Variants in DAB1 observed in about 807,000 individuals in gnomAD.
The protein encoded by DAB1 is DAB adaptor protein 1.
A neutral mutation model predicts 64.6 loss-of-function variants in DAB1; 15 were observed. That is an observed-to-expected ratio of 0.23 (90% CI 0.16 to 0.36). The LOEUF (loss-of-function observed/expected upper bound fraction) is 0.36. Among genes scored for constraint, DAB1 ranks in the 10% least tolerant of loss-of-function variants. The pLI is 1.00. For missense variants in DAB1, 596 were observed against 706.7 expected (o/e 0.84, Z 1.78); for synonymous variants, 235 against 251.9 (o/e 0.93, Z 0.64).
intron 4 of DAB1, among the ~76,000 whole-genome samples, chr1:58,323,786 G>A (rs1437392252): frequency 6.6e-6 from 1 of 151,916 alleles, no homozygotes; most frequent in Non-Finnish European, 1.5e-5. Flanking sequence ...TTAGCCAGGC[G>A]TGGCGGTGGG....
chr1:58,049,837 C>T (rs917991049), intron 5 of DAB1, among the ~76,000 whole-genome samples: 3 of 151,920 alleles, frequency 2.0e-5, no homozygotes, highest in African/African-American at 7.3e-5. Flanking sequence ...CACACACACA[C>T]ACAGCAGTGA....
At chr1:57,469,280 A>G (rs1687060796) in intron 7 of DAB1, among the ~76,000 whole-genome samples, 1 of 152,232 alleles carries the variant, frequency 6.6e-6, no homozygotes, top group Non-Finnish European at 1.5e-5. Flanking sequence ...GCACTTAGGT[A>G]AGCGGTTCAC....
At chr1:57,365,339 A>T (rs1176609832) in intron 1 of DAB1, among the ~76,000 whole-genome samples, 1 of 143,124 alleles carries the variant, frequency 7.0e-6, no homozygotes, top group East Asian at 2.0e-4. Flanking sequence ...TAAAGAATAT[A>T]TATAAATATA....
intron 4 of DAB1, among the ~76,000 whole-genome samples, chr1:58,162,871 A>G (rs1418505732): frequency 6.6e-6 from 1 of 152,216 alleles, no homozygotes; most frequent in African/African-American, 2.4e-5. Context: ...ACTCTAGGTC[A>G]GTGGTTCTAA....
chr1:57,816,082 T>A (rs537948435), intron 6 of DAB1, among the ~76,000 whole-genome samples: 1 of 152,314 alleles, frequency 6.6e-6, no homozygotes, highest in South Asian at 2.1e-4. Flanking sequence ...ACTGGTAAAG[T>A]GAGAGTACTG....
At chr1:57,854,988 T>C (rs1321304518) in intron 1 of DAB1, among the ~76,000 whole-genome samples, 2 of 152,194 alleles carry the variant, frequency 1.3e-5, no homozygotes, top group Non-Finnish European at 2.9e-5. Context: ...AGTTTTTCTT[T>C]TCTTTTCTTT....
At chr1:57,829,039 G>A (rs1300984301) in intron 1 of DAB1, among the ~76,000 whole-genome samples, 2 of 152,074 alleles carry the variant, frequency 1.3e-5, no homozygotes, top group Non-Finnish European at 2.9e-5. Context: ...GCCTAGTAGC[G>A]CACTCTTTTA....
At chr1:57,438,604 A>G (rs1305436950) in intron 7 of DAB1, among the ~76,000 whole-genome samples, 1 of 152,184 alleles carries the variant, frequency 6.6e-6, no homozygotes, top group Non-Finnish European at 1.5e-5. Flanking sequence ...GAGGAGGAAG[A>G]GGAGGAGGAG....
At chr1:57,083,101 A>T (rs148030457) in intron 4 of DAB1, among the ~76,000 whole-genome samples, 35 of 152,334 alleles carry the variant, frequency 2.3e-4, no homozygotes, top group African/African-American at 7.5e-4. Context: ...TATGCTAGGC[A>T]TTGTGCTACG....
chr1:58,269,147 A>G (rs1201216123), intron 4 of DAB1, among the ~76,000 whole-genome samples: 1 of 145,364 alleles, frequency 6.9e-6, no homozygotes, highest in East Asian at 2.2e-4. Flanking sequence ...TATATCTCCC[A>G]ATGCTATCCC....
At chr1:57,879,468 AC>A (rs1480123268) in intron 1 of DAB1, among the ~76,000 whole-genome samples, 1 of 152,120 alleles carries the variant, frequency 6.6e-6, no homozygotes, top group African/African-American at 2.4e-5. Flanking sequence ...GACTAGCACT[AC>A]TCATCCTAAC....
At chr1:58,047,327 T>G (rs1647301826) in intron 5 of DAB1, among the ~76,000 whole-genome samples, 1 of 152,258 alleles carries the variant, frequency 6.6e-6, no homozygotes, top group Admixed American at 6.5e-5. Context: ...TCCAAACTGT[T>G]ATCATTTCAA....
chr1:57,744,101 G>T (rs886207839), intron 6 of DAB1, among the ~76,000 whole-genome samples: 8 of 152,204 alleles, frequency 5.3e-5, no homozygotes, highest in African/African-American at 1.9e-4. Flanking sequence ...GTGCTGCAGA[G>T]ATTTTGTTTA....
chr1:57,431,387 G>C lies in DAB1; in HGVS notation n.626-140221C>G, dbSNP rs984412650. Reference sequence around the variant, plus strand: ...CAAATCTTGTTTTAACTACATTTCAGATACTTCTCTTGTATGCCTTGGACA... The same window carrying C: ...CAAATCTTGTTTTAACTACATTTCACATACTTCTCTTGTATGCCTTGGACA... On this transcript the variant is annotated intron_variant and non_coding_transcript_variant, in intron 7 of 20. Transcript: ENST00000485760. Among the ~76,000 whole-genome samples the C allele has an allele frequency of 5.3e-5, 8 of 152,250 alleles. No homozygotes were observed. The South Asian group carries it at 1.7e-3, about 32-fold the overall frequency.
intron 6 of DAB1, among the ~76,000 whole-genome samples, chr1:57,801,208 G>C (rs1651108238): frequency 6.6e-6 from 1 of 152,226 alleles, no homozygotes; most frequent in Non-Finnish European, 1.5e-5. Flanking sequence ...GAGTGAGCAA[G>C]AAGACTGGCA....
intron 3 of DAB1, among the ~76,000 whole-genome samples, chr1:58,405,140 G>A (rs1284459503): frequency 6.6e-6 from 1 of 152,044 alleles, no homozygotes; most frequent in African/African-American, 2.4e-5. Flanking sequence ...GACACATCAA[G>A]CCCTTCAATC....
chr1:57,424,700 G>T (rs1685200625), upstream of DAB1, among the ~76,000 whole-genome samples: 1 of 152,236 alleles, frequency 6.6e-6, no homozygotes, highest in Non-Finnish European at 1.5e-5. Flanking sequence ...CCCTTGGCAG[G>T]AGGGGGCGCT....
At chr1:57,847,139 G>A (rs966860940) in intron 1 of DAB1, among the ~76,000 whole-genome samples, 1 of 152,162 alleles carries the variant, frequency 6.6e-6, no homozygotes, top group African/African-American at 2.4e-5. Context: ...GTTTAAGACC[G>A]ATTTTATTGA....
At chr1:57,626,654 G>T (rs1007254126) in intron 7 of DAB1, among the ~76,000 whole-genome samples, 17 of 152,172 alleles carry the variant, frequency 1.1e-4, no homozygotes, top group Non-Finnish European at 2.5e-4. Flanking sequence ...AGTTCTGGAG[G>T]CTGGGAAGTC....
Sources: gnomAD v4.1 joint callset for allele counts (sites outside exome capture counted in the v4.1 genomes callset) on GRCh38, gnomAD v4.1.1 for gene constraint, MANE v1.5 for transcripts, NCBI Gene and HGNC (gene_info 2026-07-23, HGNC 2026-07-21) for gene names.